OTUD7A: variants seen among roughly 807,000 people sequenced by gnomAD.
OTUD7A encodes the protein OTU deubiquitinase 7A.
Under a neutral mutation model 65.7 loss-of-function variants are expected in OTUD7A, and 12 were observed. The ratio of observed to expected loss-of-function variants is 0.18; its 90% CI spans 0.12 to 0.30. The LOEUF is 0.30. Among genes scored for constraint, OTUD7A ranks in the 10% least tolerant of loss-of-function variants. OTUD7A has a pLI of 1.00. For missense variants in OTUD7A, 1,148 were observed against 1,304.8 expected (o/e 0.88, Z 1.85); for synonymous variants, 641 against 586.3 (o/e 1.09, Z -1.35).
intron 1 of OTUD7A, among the ~76,000 whole-genome samples, chr15:31,769,546 A>C (rs1895178632): frequency 1.3e-5 from 2 of 152,214 alleles, no homozygotes; most frequent in South Asian, 4.1e-4. Context: ...GATAATCCCA[A>C]ACTAGAACCT....
At chr15:31,598,347 G>A (rs1397297232) in intron 3 of OTUD7A, among the ~76,000 whole-genome samples, 1 of 152,322 alleles carries the variant, frequency 6.6e-6, no homozygotes, top group East Asian at 1.9e-4. Context: ...GCAGCCCACA[G>A]AGGGCGAGCC....
At chr15:31,504,327 G>A (rs1365217448) in intron 8 of OTUD7A, among the ~76,000 whole-genome samples, 1 of 152,114 alleles carries the variant, frequency 6.6e-6, no homozygotes, top group Non-Finnish European at 1.5e-5. Context: ...AGAACAGTGA[G>A]AAGGCTGTCT....
intron 1 of OTUD7A, among the ~76,000 whole-genome samples, chr15:31,810,150 T>C (rs6493955): frequency 0.94 from 142,461 of 152,204 alleles, 67,390 homozygotes; most frequent in East Asian, 1. Context: ...CCAGAGGGGT[T>C]CCTCCACACA....
chr15:31,595,072 G>A (rs1240914721), intron 3 of OTUD7A, among the ~76,000 whole-genome samples: 1 of 152,242 alleles, frequency 6.6e-6, no homozygotes. Context: ...GAAGAAATGA[G>A]GAAGGGAGTG....
chr15:31,570,442 TACACACACACACACACACACACACAC>T (rs57517466), intron 3 of OTUD7A, among the ~76,000 whole-genome samples: 4 of 143,326 alleles, frequency 2.8e-5, no homozygotes, highest in African/African-American at 7.8e-5. Context: ...TTTAGGTTCA[TACACACACACACACACACACACACAC>T]ACACACACAC....
At chr15:31,616,412 A>T (rs969749190) in intron 3 of OTUD7A, among the ~76,000 whole-genome samples, 2 of 152,194 alleles carry the variant, frequency 1.3e-5, no homozygotes, top group Admixed American at 6.5e-5. Context: ...ATAACCATTT[A>T]TATATATATG....
chr15:31,668,460 T>C (rs560191900), intron 1 of OTUD7A, among the ~76,000 whole-genome samples: 3 of 152,330 alleles, frequency 2.0e-5, no homozygotes, highest in South Asian at 4.1e-4. Flanking sequence ...CCAAAGCATT[T>C]TGCATTTCTA....
chr15:31,647,113 A>G (rs145276435), intron 3 of OTUD7A, among the ~76,000 whole-genome samples: 1 of 152,304 alleles, frequency 6.6e-6, no homozygotes, highest in African/African-American at 2.4e-5. Flanking sequence ...GGAACGGGAC[A>G]CTTGGAAGGG....
At chr15:31,652,411 T>A (rs958406884) in intron 3 of OTUD7A, among the ~76,000 whole-genome samples, 2 of 151,950 alleles carry the variant, frequency 1.3e-5, no homozygotes, top group Admixed American at 6.6e-5. Flanking sequence ...TACAAGAAAA[T>A]CTTCATGACC....
At chr15:31,563,117 C>T (rs1888748180) in intron 4 of OTUD7A, among the ~76,000 whole-genome samples, 2 of 152,030 alleles carry the variant, frequency 1.3e-5, no homozygotes, top group Admixed American at 6.5e-5. Flanking sequence ...GTAACAGCTA[C>T]ACTTACTAGG....
chr15:31,477,238 G>C lies in OTUD7A; in HGVS notation c.*6056C>G, dbSNP rs2041037349. ...TCTAATGGTCAGGTGGACTTTCCCT[G>C]GGCTGGGCCATCTGCTGCCACCCGT... On this transcript the variant is annotated 3_prime_UTR_variant, in exon 13 of 13. Coordinates refer to ENST00000307050, the MANE Select transcript of OTUD7A (RefSeq NM_001382637.1). 6.6e-6 allele frequency: 1 copy of C among 152,384 alleles called. No homozygotes were observed. Among genetic ancestry groups the C allele is most frequent in the African/African-American group, 2.4e-5 (1 of 41,466 alleles). The allele number at this position is 152,384 out of a possible 1,614,324, so 9.4% of individuals were successfully genotyped here.
At chr15:31,775,721 T>C (rs987864192) in intron 1 of OTUD7A, among the ~76,000 whole-genome samples, 1 of 152,218 alleles carries the variant, frequency 6.6e-6, no homozygotes, top group African/African-American at 2.4e-5. Context: ...GATTTGCTCC[T>C]AGACGCCTGA....
intron 1 of OTUD7A, among the ~76,000 whole-genome samples, chr15:31,829,988 G>C (rs925833056): frequency 2.6e-5 from 4 of 152,090 alleles, no homozygotes; most frequent in African/African-American, 7.2e-5. Context: ...CTTGTCTGGG[G>C]CATTCACCCT....
chr15:31,757,636 C>A (rs1894852497), intron 1 of OTUD7A, among the ~76,000 whole-genome samples: 1 of 152,114 alleles, frequency 6.6e-6, no homozygotes, highest in Non-Finnish European at 1.5e-5. Flanking sequence ...CATGGGCAAC[C>A]CTGGCCCTAA....
At chr15:31,612,005 T>TA (rs1890438552) in intron 3 of OTUD7A, among the ~76,000 whole-genome samples, 2 of 152,210 alleles carry the variant, frequency 1.3e-5, no homozygotes, top group Admixed American at 1.3e-4. Flanking sequence ...CATATGCAAG[T>TA]TGATAAATGT....
At chr15:31,638,303 C>G (rs1445155378) in intron 3 of OTUD7A, among the ~76,000 whole-genome samples, 15 of 151,506 alleles carry the variant, frequency 9.9e-5, no homozygotes, top group Admixed American at 3.3e-4. Context: ...AGTATTTTTT[C>G]AAATTAAGTT....
chr15:31,551,967 T>C (rs1888338672), intron 5 of OTUD7A, among the ~76,000 whole-genome samples: 1 of 152,302 alleles, frequency 6.6e-6, no homozygotes, highest in South Asian at 2.1e-4. Flanking sequence ...TATGTTGAAA[T>C]GTGATCCCCA....
intron 1 of OTUD7A, among the ~76,000 whole-genome samples, chr15:31,870,128 G>A (rs1276901815): frequency 1.8e-4 from 27 of 150,106 alleles, no homozygotes; most frequent in African/African-American, 4.6e-4. Flanking sequence ...GGACCGAGGG[G>A]TCGGTCGCCC....
intron 3 of OTUD7A, among the ~76,000 whole-genome samples, chr15:31,617,109 A>G (rs983059080): frequency 2.0e-5 from 3 of 152,230 alleles, no homozygotes; most frequent in Non-Finnish European, 2.9e-5. Context: ...ATTTATGAGG[A>G]TAACATCAGA....
Sources: allele counts gnomAD v4.1 joint callset (sites outside exome capture counted in the v4.1 genomes callset), GRCh38; gene constraint gnomAD v4.1.1; transcripts MANE v1.5; gene names NCBI Gene and HGNC (gene_info 2026-07-23, HGNC 2026-07-21).